EFCAB6: variants seen among roughly 807,000 people sequenced by gnomAD.
EFCAB6 encodes EF-hand calcium binding domain 6, also known as EF-hand calcium-binding domain-containing protein 6.
Under a neutral mutation model 169.8 loss-of-function variants are expected in EFCAB6, and 156 were observed. The ratio of observed to expected loss-of-function variants is 0.92; its 90% CI spans 0.81 to 1.05. The LOEUF is 1.05. EFCAB6 is among the 50% of genes least tolerant of loss of function. The pLI is 0.00. For missense variants in EFCAB6, 1,800 were observed against 1,829.1 expected, an observed-to-expected ratio of 0.98 and a Z score of 0.29; for synonymous variants, 698 against 676.4, an observed-to-expected ratio of 1.03 and a Z score of -0.50.
At chr22:43,703,895 T>A (rs1448596513) in intron 10 of EFCAB6, among the ~76,000 whole-genome samples, 1 of 151,116 alleles carries the variant, frequency 6.6e-6, no homozygotes, top group Admixed American at 6.6e-5. Context: ...GGACCTAATA[T>A]ACACATAATA....
intron 31 of EFCAB6, among the ~76,000 whole-genome samples, chr22:43,529,426 G>A (rs1052276749): frequency 1.3e-5 from 2 of 152,174 alleles, no homozygotes; most frequent in African/African-American, 4.8e-5. Context: ...AGCAGAGCCT[G>A]CTGGTGGTAA....
At chr22:43,807,826 A>G (rs187421650) in intron 2 of EFCAB6, among the ~76,000 whole-genome samples, 58 of 152,362 alleles carry the variant, frequency 3.8e-4, no homozygotes, top group Non-Finnish European at 8.8e-5. Context: ...CATATCAACT[A>G]TCAAGTTCCC....
chr22:43,727,472 G>T (rs1293843773), intron 8 of EFCAB6, among the ~76,000 whole-genome samples: 1 of 152,104 alleles, frequency 6.6e-6, no homozygotes, highest in Non-Finnish European at 1.5e-5. Flanking sequence ...TCTTAAAATT[G>T]TAAAATAACA....
intron 3 of EFCAB6, 73 bp from the exon 4 acceptor site, chr22:43,773,176 G>A: frequency 6.8e-7 from 1 of 1,465,634 alleles, no homozygotes; most frequent in Non-Finnish European, 9.3e-7. Context: ...TTGCACTGTT[G>A]AACGGAACCA....
intron 4 of EFCAB6, among the ~76,000 whole-genome samples, chr22:43,768,030 T>C (rs2061369343): frequency 1.3e-5 from 2 of 152,246 alleles, no homozygotes; most frequent in Non-Finnish European, 2.9e-5. Flanking sequence ...TTGTGATAAG[T>C]ATCTTGCAAG....
chr22:43,662,159 AAATAATAAT>A (rs55680208), intron 17 of EFCAB6, among the ~76,000 whole-genome samples: 3,714 of 137,142 alleles, frequency 0.027, 89 homozygotes, highest in Admixed American at 0.062. Context: ...CTCCATTTCA[AAATAATAAT>A]AATAATAATA....
chr22:43,727,960 T>C (rs1425357925), intron 8 of EFCAB6, among the ~76,000 whole-genome samples: 1 of 152,164 alleles, frequency 6.6e-6, no homozygotes, highest in East Asian at 1.9e-4. Flanking sequence ...GTCTGTTATA[T>C]AGGTATACAT....
chr22:43,690,184 T>A (rs1603226290), intron 10 of EFCAB6, among the ~76,000 whole-genome samples: 1 of 152,064 alleles, frequency 6.6e-6, no homozygotes, highest in South Asian at 2.1e-4. Flanking sequence ...TTTCCATACC[T>A]CTACCAGCCT....
intron 19 of EFCAB6, among the ~76,000 whole-genome samples, chr22:43,629,184 T>C (rs1380169181): frequency 1.3e-5 from 2 of 152,212 alleles, no homozygotes; most frequent in Non-Finnish European, 2.9e-5. Flanking sequence ...CTAGATGCTA[T>C]GAGATCATAC....
intron 2 of EFCAB6, chr22:43,802,652 G>A: frequency 4.0e-6 from 2 of 494,586 alleles, no homozygotes; most frequent in Admixed American, 2.1e-5. Context: ...AAAGAAGAGA[G>A]AGAAGGTACA....
chr22:43,608,985 G>A (rs2053117686), intron 21 of EFCAB6, among the ~76,000 whole-genome samples: 1 of 152,158 alleles, frequency 6.6e-6, no homozygotes, highest in Non-Finnish European at 1.5e-5. Context: ...GGGGAAATGA[G>A]GGACATTAGA....
chr22:43,765,596 A>C (rs2061302848), intron 4 of EFCAB6, among the ~76,000 whole-genome samples: 1 of 152,186 alleles, frequency 6.6e-6, no homozygotes, highest in African/African-American at 2.4e-5. Flanking sequence ...GAGTGTAAAT[A>C]GCACCCTAGA....
intron 17 of EFCAB6, among the ~76,000 whole-genome samples, chr22:43,656,144 ACT>A (rs1425003891): frequency 2.6e-5 from 4 of 152,156 alleles, no homozygotes; most frequent in Non-Finnish European, 5.9e-5. Context: ...TAATCTCAGC[ACT>A]TTGGGAGGCC....
chr22:43,598,995 A>T (rs12483899), intron 23 of EFCAB6, among the ~76,000 whole-genome samples: 9,652 of 152,260 alleles, frequency 0.063, 373 homozygotes, highest in Admixed American at 0.097. Context: ...CCACCATCCA[A>T]ATCCAGTGGG....
At chr22:43,699,551 T>C (rs2058694466) in intron 10 of EFCAB6, among the ~76,000 whole-genome samples, 1 of 152,202 alleles carries the variant, frequency 6.6e-6, no homozygotes, top group Non-Finnish European at 1.5e-5. Flanking sequence ...CCATCTGTTT[T>C]CTGCCTGGAC....
At chr22:43,539,859 C>T (rs2047593181) in intron 28 of EFCAB6, among the ~76,000 whole-genome samples, 2 of 152,230 alleles carry the variant, frequency 1.3e-5, no homozygotes, top group South Asian at 4.1e-4. Context: ...TCCCGCCCTG[C>T]CTCTCGCTCC....
intron 26 of EFCAB6, among the ~76,000 whole-genome samples, chr22:43,568,680 C>T (rs751128476): frequency 6.6e-6 from 1 of 152,138 alleles, no homozygotes; most frequent in Non-Finnish European, 1.5e-5. Flanking sequence ...CCGCACCATG[C>T]ATTTCCATGG....
chr22:43,752,624 G>A (rs1032207550), intron 6 of EFCAB6, among the ~76,000 whole-genome samples: 3 of 152,122 alleles, frequency 2.0e-5, no homozygotes, highest in African/African-American at 4.8e-5. Flanking sequence ...GGGACACAGG[G>A]AGGGACTTTC....
intron 18 of EFCAB6, among the ~76,000 whole-genome samples, chr22:43,632,652 T>C (rs1223858490): frequency 2.0e-5 from 3 of 152,234 alleles, no homozygotes; most frequent in African/African-American, 7.2e-5. Context: ...CCGAATCCTG[T>C]TAAAATCCCA....
Sources: gnomAD v4.1 joint callset for allele counts (sites outside exome capture counted in the v4.1 genomes callset) on GRCh38, gnomAD v4.1.1 for gene constraint, MANE v1.5 for transcripts, NCBI Gene and HGNC (gene_info 2026-07-23, HGNC 2026-07-21) for gene names.